AIFM1: variants seen among roughly 807,000 people sequenced by gnomAD.
AIFM1 encodes the protein apoptosis inducing factor mitochondria associated 1.
AIFM1 carries 3 observed loss-of-function variants against 51.7 expected under a neutral mutation model. The ratio of observed to expected loss-of-function variants is 0.06; its 90% CI spans 0.03 to 0.15. AIFM1 has a LOEUF of 0.15. Among genes scored for constraint, AIFM1 ranks in the 10% least tolerant of loss-of-function variants. The pLI is 1.00. For synonymous variants in AIFM1, 178 were observed against 179.4 expected (o/e 0.99, Z 0.06); for missense variants, 330 against 476.8 (o/e 0.69, Z 2.87).
intron 2 of AIFM1, among the ~76,000 whole-genome samples, chrX:130,152,348 C>G (rs2031014520): frequency 9.0e-6 from 1 of 110,949 alleles, no homozygotes; most frequent in Non-Finnish European, 1.9e-5. Flanking sequence ...GTCGATCTGT[C>G]TGATATATAT....
At chrX:130,150,614 C>T (rs181153634) in intron 2 of AIFM1, among the ~76,000 whole-genome samples, 16 of 105,342 alleles carry the variant, frequency 1.5e-4, no homozygotes, top group African/African-American at 4.8e-4. Context: ...GGATTACAGG[C>T]GTGAGCCACC....
At chrX:130,153,061 G>A (rs903957767) in intron 2 of AIFM1, among the ~76,000 whole-genome samples, 4 of 109,647 alleles carry the variant, frequency 3.6e-5, no homozygotes, top group Non-Finnish European at 3.8e-5. Context: ...GGCTGGGCAC[G>A]GTGGCTCACG....
rs374091026 is a variant in AIFM1, at chrX:130,145,464, G to C, written c.696+15C>G. On this transcript the variant is annotated intron_variant, in intron 6 of 15. Transcript: ENST00000287295. ...GTACGTAGAGCCTGACAAAAGAAGC[G>C]GTCTACTAGCTCACCTTCTTCCCAG... 8.5e-7 allele frequency: 1 copy of C among 1,179,174 alleles called. No homozygotes were observed. Among genetic ancestry groups the C allele is most frequent in the East Asian group, 3.0e-5 (1 of 33,663 alleles).
At chrX:130,158,629 C>T (rs777755488) in intron 1 of AIFM1, among the ~76,000 whole-genome samples, 6 of 104,162 alleles carry the variant, frequency 5.8e-5, no homozygotes, top group African/African-American at 1.8e-4. Flanking sequence ...TTGGCTTCCC[C>T]GAGCCACATG....
At chrX:130,139,614 T>C (rs1385659418) in intron 8 of AIFM1, among the ~76,000 whole-genome samples, 181 bp downstream of exon 8, 1 of 110,802 alleles carries the variant, frequency 9.0e-6, no homozygotes, top group African/African-American at 3.3e-5. Flanking sequence ...CTTAAAACCC[T>C]TGAGTGAGGT....
chrX:130,129,737 T>C (rs1163796444), intron 15 of AIFM1, 109 bp from the exon 16 acceptor site: 7 of 825,227 alleles, frequency 8.5e-6, no homozygotes, highest in Non-Finnish European at 1.3e-5. Flanking sequence ...TGGGAGGGAG[T>C]TGTGGGAACA....
In AIFM1 at chrX:130,165,582, G is replaced by T. The variant is rs370229006; in HGVS notation, c.75C>A (p.Val25=). 2 of 1,198,929 alleles carry T rather than the reference G, an allele frequency of 1.7e-6. No individual in the cohort carries two copies. Among genetic ancestry groups the T allele is most frequent in the Non-Finnish European group, 1.1e-6 (1 of 889,084 alleles). ...KLVPLVRTVC[V]RSPRQRNRLP... ...GCCGGTTCCTCTGCCTCGGGCTTCG[G>T]ACGCACACGGTCCGCACCAAGGGCA... is the stretch of plus-strand genomic sequence containing the variant. The change falls in exon 1 of 16, where the codon GTC becomes GTA. Residue 25 remains valine (V), a synonymous_variant. Coordinates refer to ENST00000287295, the MANE Select transcript of AIFM1 (RefSeq NM_004208.4).
intron 9 of AIFM1, chrX:130,138,062 CAAAA>C (rs752207106): frequency 4.8e-4 from 19 of 39,935 alleles, no homozygotes; most frequent in South Asian, 2.8e-3. Flanking sequence ...AACTCCATCT[CAAAA>C]AAAAAAAAAA....
In AIFM1 at chrX:130,147,786, G is replaced by A; in HGVS notation, c.440C>T (p.Ala147Val). The A allele has an allele frequency of 8.2e-7, 1 of 1,212,140 alleles. No homozygotes were observed. Among genetic ancestry groups the A allele is most frequent in the Non-Finnish European group, 1.1e-6 (1 of 895,638 alleles). Reference sequence around the variant, plus strand: ...AGGATCCCGAGCCCGGATGGATCTGGCTGCAGCAAAAGCAGCTGTGCCTCC... The same window carrying A: ...AGGATCCCGAGCCCGGATGGATCTGACTGCAGCAAAAGCAGCTGTGCCTCC... ...IGGGTAAFAAARSIRARDPGA... is the reference protein window; with the variant it reads ...IGGGTAAFAAVRSIRARDPGA... The change falls in exon 4 of 16, where the codon GCC (alanine) becomes GTC (valine). Residue 147 changes from alanine to valine, a missense_variant. By Grantham distance (64) the Ala-to-Val change is moderately conservative. Around this residue, in one of 4 missense-constraint regions of AIFM1, gnomAD observed 152 missense variants for 292.8 expected, o/e 0.52. Coordinates refer to ENST00000287295, the MANE Select transcript of AIFM1 (RefSeq NM_004208.4).
intron 1 of AIFM1, among the ~76,000 whole-genome samples, chrX:130,164,775 C>T (rs1303354362): frequency 1.8e-5 from 2 of 111,641 alleles, no homozygotes; most frequent in African/African-American, 6.5e-5. Flanking sequence ...GGCTAGCAAA[C>T]TATCCTTAGC....
intron 2 of AIFM1, among the ~76,000 whole-genome samples, chrX:130,151,188 T>C (rs1361568776): frequency 9.3e-6 from 1 of 107,857 alleles, no homozygotes; most frequent in African/African-American, 3.4e-5. Context: ...TTGCCCAGGC[T>C]GGAGTGCAGT....
intron 5 of AIFM1, among the ~76,000 whole-genome samples, chrX:130,146,451 A>ATGTGTGTGTGTGTG (rs60694841): frequency 8.7e-4 from 78 of 89,444 alleles, no homozygotes; most frequent in African/African-American, 2.9e-3. Flanking sequence ...CTCTCAAAAT[A>ATGTGTGTGTGTGTG]TGTGTGTGTG....
At chrX:130,155,403 G>T in intron 2 of AIFM1, 1 of 881,432 alleles carries the variant, frequency 1.1e-6, no homozygotes. Context: ...TGCTAAAAAA[G>T]GAAAAAGAAA....
chrX:130,147,346 TA>T, intron 5 of AIFM1, 146 bp downstream of exon 5: 1 of 708,044 alleles, frequency 1.4e-6, no homozygotes, highest in Non-Finnish European at 2.2e-6. Flanking sequence ...CTGTTATCTC[TA>T]AGCTGTACCA....
rs754435041 is a variant in AIFM1 at position 130,129,510 on chromosome X, C to T, written c.*47G>A. 9.0e-7 allele frequency: 1 copy of T among 1,116,132 alleles called. No individual in the cohort carries two copies. The highest frequency in any genetic ancestry group is 1.2e-6 in the Non-Finnish European group (1 of 808,213). The allele number at this position is 1,116,132 out of a possible 1,213,427, so 92.0% of individuals were successfully genotyped here. ...AAAAAATGCTCCTTTACCCATTCGA[C>T]CTCCTCTCAGGGGCTGCAGTGGGTT... On this transcript the variant is annotated 3_prime_UTR_variant, in exon 16 of 16. Coordinates refer to ENST00000287295, the MANE Select transcript of AIFM1 (RefSeq NM_004208.4).
At chrX:130,156,728 A>G in intron 1 of AIFM1, 125 bp from the exon 2 acceptor site, 1 of 749,940 alleles carries the variant, frequency 1.3e-6, no homozygotes, top group Non-Finnish European at 2.0e-6. Context: ...TAAATGATCA[A>G]GAAAAATATC....
intron 3 of AIFM1, 115 bp downstream of exon 3, chrX:130,149,354 G>A: frequency 1.6e-6 from 1 of 616,954 alleles, no homozygotes; most frequent in Non-Finnish European, 2.8e-6. Flanking sequence ...CTAGATGCTT[G>A]CAATCTCATA....
chrX:130,163,426 C>A (rs1246996142), intron 1 of AIFM1, among the ~76,000 whole-genome samples: 1 of 111,132 alleles, frequency 9.0e-6, no homozygotes, highest in Non-Finnish European at 1.9e-5. Flanking sequence ...AAAAAGAAAT[C>A]AGATTAAAAG....
intron 2 of AIFM1, among the ~76,000 whole-genome samples, chrX:130,151,084 C>T (rs1410277138): frequency 4.2e-4 from 45 of 108,397 alleles, no homozygotes; most frequent in African/African-American, 1.4e-3. Context: ...CAAATGAAAT[C>T]TCAGATTAAT....
Sources: gnomAD v4.1 joint callset for allele counts (sites outside exome capture counted in the v4.1 genomes callset) on GRCh38, gnomAD v4.1.1 for gene constraint, gnomAD v4.1.1 regional missense constraint, MANE v1.5 for transcripts, NCBI Gene and HGNC (gene_info 2026-07-23, HGNC 2026-07-21) for gene names.